OSBP2: variants seen among roughly 807,000 people sequenced by gnomAD.
OSBP2 encodes the protein oxysterol-binding protein 2.
A neutral mutation model predicts 96.0 loss-of-function variants in OSBP2; 66 were observed. That is an observed-to-expected ratio of 0.69 (90% CI 0.56 to 0.84). The LOEUF is 0.84. Ranked by LOEUF, OSBP2 falls within the 40% of genes least tolerant of loss-of-function variation. The pLI is 0.00. For missense variants in OSBP2, 1,038 were observed against 1,222.7 expected (o/e 0.85, Z 2.25); for synonymous variants, 525 against 520.9 (o/e 1.01, Z -0.11).
chr22:30,836,352 C>A (rs1317901667), intron 2 of OSBP2, among the ~76,000 whole-genome samples: 1 of 152,138 alleles, frequency 6.6e-6, no homozygotes, highest in Non-Finnish European at 1.5e-5. Context: ...ACTGGCAGAG[C>A]CAGGCTTGTT....
intron 2 of OSBP2, among the ~76,000 whole-genome samples, chr22:30,814,245 T>A (rs1336518312): frequency 1.3e-5 from 2 of 152,052 alleles, no homozygotes; most frequent in African/African-American, 4.8e-5. Context: ...TTCTGGAAGC[T>A]AGAAATCCAA....
intron 2 of OSBP2, among the ~76,000 whole-genome samples, chr22:30,805,111 CTGAGGGT>C (rs2090910274): frequency 6.6e-6 from 1 of 152,192 alleles, no homozygotes. Context: ...AAGATACTAT[CTGAGGGT>C]TGACCCTGGG....
chr22:30,706,126 G>T lies in OSBP2; in HGVS notation c.644+10573G>T, dbSNP rs116030800. The stretch of plus-strand genomic sequence containing the variant: ...ACTGCTGGATGCTGACACGTGGAGA[G>T]AGGAGATGGTAAGAAACACCTCTGA... On this transcript the variant is annotated intron_variant, in intron 1 of 13. Coordinates refer to ENST00000332585, the MANE Select transcript of OSBP2 (RefSeq NM_030758.4). Among the ~76,000 whole-genome samples, 433 of 152,288 alleles carry T rather than the reference G, an allele frequency of 2.8e-3. 4 individuals are homozygous for T. The highest frequency in any genetic ancestry group is 1.0e-2 in the African/African-American group (414 of 41,568).
At chr22:30,876,066 TCCAGCTGACCACAGCCCAGCGGGAAAG>T in intron 3 of OSBP2, among the ~76,000 whole-genome samples, 1 of 152,344 alleles carries the variant, frequency 6.6e-6, no homozygotes, top group South Asian at 2.1e-4. Context: ...CAGATTCCTG[TCCAGCTGACCACAGCCCAGCGGGAAAG>T]CCAGGGCAAG....
intron 1 of OSBP2, among the ~76,000 whole-genome samples, chr22:30,707,504 G>T (rs540722335): frequency 6.6e-6 from 1 of 151,806 alleles, no homozygotes; most frequent in South Asian, 2.1e-4. Context: ...CACGAGGTCA[G>T]AAGATCGAGA....
At position 30,881,357 on chromosome 22, in the gene OSBP2, T is replaced by C. The variant is rs1245689410; in HGVS notation, c.1108-6069T>C. Among the ~76,000 whole-genome samples the C allele has an allele frequency of 6.6e-6, 1 of 152,134 alleles. No individual in the cohort carries two copies. Among genetic ancestry groups the C allele is most frequent in the Non-Finnish European group, 1.5e-5 (1 of 68,006 alleles). On this transcript the variant is annotated intron_variant, in intron 3 of 13. Transcript: ENST00000332585. The surrounding 1 kb of genome is among the most constrained non-coding windows in gnomAD (Gnocchi z 4.5). ...ACAGGCCTGTCCCAGGATTGGGCAG[T>C]GGGGTAGCACCCATGCAGGGCCCAG...
intron 12 of OSBP2, among the ~76,000 whole-genome samples, chr22:30,900,402 G>A (rs529739096): frequency 1.3e-3 from 191 of 152,006 alleles, no homozygotes; most frequent in Non-Finnish European, 1.9e-3. Flanking sequence ...TAATGTTCAC[G>A]GATAGAAAGT....
At chr22:30,778,335 C>CACACACACACA (rs1569119589) in intron 2 of OSBP2, among the ~76,000 whole-genome samples, 2 of 100,616 alleles carry the variant, frequency 2.0e-5, no homozygotes, top group African/African-American at 8.5e-5. Flanking sequence ...ACACACACAC[C>CACACACACACA]CACTGACAGC....
chr22:30,895,970 G>A (rs2040057796), intron 12 of OSBP2, among the ~76,000 whole-genome samples: 1 of 151,694 alleles, frequency 6.6e-6, no homozygotes, highest in East Asian at 1.9e-4. Flanking sequence ...GGGGAGGATG[G>A]GGGGAGCAAG....
chr22:30,777,974 A>G (rs541759281), intron 2 of OSBP2, among the ~76,000 whole-genome samples: 7 of 152,000 alleles, frequency 4.6e-5, no homozygotes, highest in African/African-American at 7.2e-5. Flanking sequence ...AAAATGTTAT[A>G]GTGACATTAA....
chr22:30,852,020 C>T (rs1412852134), intron 2 of OSBP2, among the ~76,000 whole-genome samples: 1 of 152,114 alleles, frequency 6.6e-6, no homozygotes, highest in Non-Finnish European at 1.5e-5. Context: ...CTGAGATAAA[C>T]CCCACTTGTC....
chr22:30,705,436 G>A (rs1029095438), intron 1 of OSBP2, among the ~76,000 whole-genome samples: 1 of 152,108 alleles, frequency 6.6e-6, no homozygotes, highest in Non-Finnish European at 1.5e-5. Context: ...TGGAATTACA[G>A]GCATGCACCA....
intron 2 of OSBP2, among the ~76,000 whole-genome samples, chr22:30,792,906 G>A (rs2090697539): frequency 6.6e-6 from 1 of 152,178 alleles, no homozygotes; most frequent in African/African-American, 2.4e-5. Context: ...TGCCTGGCAT[G>A]TTTACATGCA....
intron 1 of OSBP2, among the ~76,000 whole-genome samples, chr22:30,707,455 C>T (rs913480130): frequency 7.2e-5 from 11 of 151,850 alleles, no homozygotes; most frequent in South Asian, 4.2e-4. Flanking sequence ...TGGCTCACAC[C>T]GGTAATCCCA....
chr22:30,894,155 A>G, intron 12 of OSBP2, 154 bp downstream of exon 12: 6 of 632,440 alleles, frequency 9.5e-6, no homozygotes, highest in Non-Finnish European at 1.4e-5. Flanking sequence ...GTGTGAAGGC[A>G]GACACCGAAC....
In OSBP2 at chr22:30,789,861, C is replaced by T. The variant is rs141128178; in HGVS notation, c.853+48492C>T. 1.9e-4 allele frequency among the ~76,000 whole-genome samples: 29 copies of T among 152,214 alleles called. No individual in the cohort carries two copies. The East Asian group carries it at 5.2e-3, about 27-fold the overall frequency. ...TTTGTCTGCAACAGCTTTGCATCTT[C>T]CACCAGTAAAAACTTTGTTCCCATT... On this transcript the variant is annotated intron_variant, in intron 2 of 13. Transcript: ENST00000332585.
At chr22:30,888,158 G>A (rs2039858379) in intron 4 of OSBP2, 65 bp from the exon 5 acceptor site, 3 of 1,090,896 alleles carry the variant, frequency 2.8e-6, no homozygotes, top group East Asian at 4.7e-5. Context: ...CTTGGCTCTG[G>A]ACTTAGGGAG....
chr22:30,879,190 C>T (rs1569162633), intron 3 of OSBP2, among the ~76,000 whole-genome samples: 1 of 152,244 alleles, frequency 6.6e-6, no homozygotes. Context: ...CCCGGAGCTG[C>T]CCTCCCTTGT....
intron 1 of OSBP2, among the ~76,000 whole-genome samples, chr22:30,723,433 A>G (rs1045537906): frequency 1.4e-5 from 2 of 144,394 alleles, no homozygotes; most frequent in African/African-American, 2.6e-5. Context: ...ATTTTTCCTG[A>G]GACAGAGTCT....
Sources: gnomAD v4.1 joint callset for allele counts (sites outside exome capture counted in the v4.1 genomes callset) on GRCh38, gnomAD v4.1.1 for gene constraint, Gnocchi (gnomAD v3.1) non-coding constraint, MANE v1.5 for transcripts, NCBI Gene and HGNC (gene_info 2026-07-23, HGNC 2026-07-21) for gene names.